The following NTN5 variants were observed in gnomAD, a reference collection of about 807,000 sequenced individuals.
The protein encoded by NTN5 is netrin-5.
A neutral mutation model predicts 38.7 loss-of-function variants in NTN5; 42 were observed. That is an observed-to-expected ratio of 1.08 (90% CI 0.85 to 1.40). NTN5 has a LOEUF of 1.40. Among genes scored for constraint, NTN5 ranks in the 40% most tolerant of loss-of-function variants. The pLI is 0.00. For synonymous variants in NTN5, 329 were observed against 303.9 expected, an observed-to-expected ratio of 1.08 and a Z score of -0.86; for missense variants, 658 against 716.5, an observed-to-expected ratio of 0.92 and a Z score of 0.93.
intron 2 of NTN5, among the ~76,000 whole-genome samples, chr19:48,669,234 TCAC>T (rs1268852244): frequency 1.1e-4 from 1 of 9,000 alleles, no homozygotes; most frequent in East Asian, 5.5e-3. Flanking sequence ...ACGACCATCA[TCAC>T]CACCACCACC....
Position 48,670,550 on chromosome 19 carries a change from G to T in NTN5, c.437C>A (p.Ala146Asp). 6.6e-7 allele frequency: 1 copy of T among 1,520,632 alleles called. No individual in the cohort carries two copies. Among genetic ancestry groups the T allele is most frequent in the South Asian group, 1.3e-5 (1 of 79,880 alleles). 94.2% of individuals were successfully genotyped at this position (1,520,632 alleles called of 1,614,324 possible). The change falls in exon 2 of 7, where the codon GCC becomes GAC. Residue 146 changes from alanine to aspartate, a missense_variant. Physicochemically the swap from Ala to Asp is moderately radical, Grantham distance 126. Transcript: ENST00000270235. ...TCTCAGCCCAGCTGCCGCTAGCCCG[G>T]CCTGGCCCCCAAACTCCACACGGAG... is the stretch of plus-strand genomic sequence containing the variant. The part of the protein sequence containing the change: ...SHLRVEFGGQ[A>D]GLAAAGLRGR...
At chr19:48,669,810 TCACCATCACCACCAC>T (rs2031880098) in intron 2 of NTN5, among the ~76,000 whole-genome samples, 1 of 45,412 alleles carries the variant, frequency 2.2e-5, no homozygotes, top group Non-Finnish European at 5.4e-5. Context: ...ACCACCATCA[TCACCATCACCACCAC>T]CACCATCACC....
chr19:48,667,218 G>A, intron 2 of NTN5: 1 of 166,606 alleles, frequency 6.0e-6, no homozygotes, highest in South Asian at 1.0e-4. Flanking sequence ...CTTCCCCTGT[G>A]GAGAACTCAG....
Position 48,670,393 on chromosome 19 carries a change from C to A in NTN5, c.594G>T (p.Trp198Cys). 7.0e-7 allele frequency: 1 copy of A among 1,419,294 alleles called. No individual in the cohort carries two copies. The highest frequency in any genetic ancestry group is 9.2e-7 in the Non-Finnish European group (1 of 1,087,808). The allele number at this position is 1,419,294 out of a possible 1,614,324, so 87.9% of individuals were successfully genotyped here. A position where few individuals can be genotyped will look rare whatever the true frequency, so the allele number is the denominator to read the frequency against. The change falls in exon 2 of 7, where the codon TGG becomes TGT. Residue 198 changes from tryptophan to cysteine, a missense_variant. Physicochemically the swap from Trp to Cys is radical, Grantham distance 215 (BLOSUM62 -2). Coordinates refer to ENST00000270235, the MANE Select transcript of NTN5 (RefSeq NM_145807.4). ...GGGGGTGCCGGGGCGTGGCAGGCCG[C>A]CAGGGCCAGTCTCGATGGGACGGGC... ...SCRPSHRDWP[W>C]RPATPRHPHP...
Position 48,670,920 on chromosome 19 carries a change from G to C in NTN5, c.67C>G (p.Gln23Glu). The change falls in exon 2 of 7, where the codon CAG (glutamine) becomes GAG (glutamate). Residue 23 changes from glutamine (Q) to glutamate (E), a missense_variant. By Grantham distance (29) the Gln-to-Glu change is conservative. Transcript: ENST00000270235. ...QATADPCYDP[Q>E]GRPQFCLPPV... is the part of the protein sequence containing the mutation. ...GGGAGGCAGAATTGGGGGCGGCCCT[G>C]TGGATCGTAGCATGGGTCCGCAGTG... The C allele has an allele frequency of 6.3e-7, 1 of 1,597,378 alleles. No homozygotes were observed. Among genetic ancestry groups the C allele is most frequent in the Non-Finnish European group, 8.5e-7 (1 of 1,171,172 alleles).
At chr19:48,668,934 A>T (rs1390415578) in intron 2 of NTN5, among the ~76,000 whole-genome samples, 1 of 150,564 alleles carries the variant, frequency 6.6e-6, no homozygotes, top group African/African-American at 2.4e-5. Flanking sequence ...TTATTACATC[A>T]TCATCACCAC....
In NTN5 at chr19:48,663,511, C is replaced by T. The variant is rs774974345; in HGVS notation, c.1057G>A (p.Asp353Asn). 2.2e-5 allele frequency: 36 copies of T among 1,614,190 alleles called. No individual in the cohort carries two copies. The Admixed American group carries it at 2.8e-4, about 13-fold the overall frequency. ...PQCQNYCNMS[D>N]TRVHMSLRRY... ...CGAAGGCTCATGTGTACCCTGGTGT[C>T]CGACATATTGCAGTAGTTTTGACAC... The change falls in exon 6 of 7, where the codon GAC (aspartate) becomes AAC (asparagine). Residue 353 changes from aspartate to asparagine, a missense_variant. Asp to Asn is a conservative substitution (Grantham distance 23, BLOSUM62 1). Coordinates refer to ENST00000270235, the MANE Select transcript of NTN5 (RefSeq NM_145807.4).
Position 48,669,954 on chromosome 19 carries a change from CCAT to C in NTN5, c.631+399_631+401del, listed in dbSNP as rs1568452765. On this transcript the variant is annotated intron_variant, in intron 2 of 6. Transcript: ENST00000270235. The stretch of plus-strand genomic sequence containing the variant: ...ACCACTACCATCACCATCACCACCA[CCAT>C]CACCATCACCACCATCATCACCATC... Among the ~76,000 whole-genome samples, 13 of 22,296 alleles carry C rather than the reference CCAT, an allele frequency of 5.8e-4. 1 individual carries two copies. The highest frequency in any genetic ancestry group is 1.9e-3 in the Admixed American group (7 of 3,616). The allele number at this position is 22,296 out of a possible 152,430, so 14.6% of individuals were successfully genotyped here.
At chr19:48,669,616 C>CACT (rs2031853753) in intron 2 of NTN5, among the ~76,000 whole-genome samples, 1 of 832 alleles carries the variant, frequency 1.2e-3, no homozygotes, top group Non-Finnish European at 2.1e-3. Flanking sequence ...CCATCATCAC[C>CACT]ACCATCACCA....
intron 2 of NTN5, chr19:48,667,483 C>G (rs1248120708): frequency 4.0e-6 from 1 of 248,610 alleles, no homozygotes; most frequent in Non-Finnish European, 8.6e-6. Flanking sequence ...ACCCCTCACT[C>G]CCCTGCTTAG....
chr19:48,666,647 G>A (rs1374942484), intron 2 of NTN5, among the ~76,000 whole-genome samples: 1 of 149,222 alleles, frequency 6.7e-6, no homozygotes, highest in African/African-American at 2.5e-5. Context: ...TGCAGAGTGA[G>A]ATGCTGATAC....
chr19:48,661,982 C>CGGCCAGCCGCTGCCATGCCG lies in NTN5; in HGVS notation c.1145_1164dup (p.Val389ArgfsTer35). The CGGCCAGCCGCTGCCATGCCG allele has an allele frequency of 6.7e-7, 1 of 1,482,406 alleles. No individual in the cohort carries two copies. The highest frequency in any genetic ancestry group is 8.9e-7 in the Non-Finnish European group (1 of 1,123,610). 91.8% of individuals were successfully genotyped at this position (1,482,406 alleles called of 1,614,324 possible). A position where few individuals can be genotyped will look rare whatever the true frequency, so the allele number is the denominator to read the frequency against. On this transcript the variant is annotated frameshift_variant, in exon 7 of 7. Transcript: ENST00000270235. LOFTEE classifies it low-confidence loss of function (END_TRUNC). ...TGCTTGTAAACGGCCAGCACGCGCA[C>CGGCCAGCCGCTGCCATGCCG]GGCCAGCCGCTGCCATGCCGGGCCC...
intron 2 of NTN5, among the ~76,000 whole-genome samples, chr19:48,665,581 G>A (rs1307850588): frequency 6.6e-6 from 1 of 152,174 alleles, no homozygotes; most frequent in Non-Finnish European, 1.5e-5. Flanking sequence ...AGCACTTTGG[G>A]AGGCCAAGGT....
intron 4 of NTN5, 50 bp from the exon 5 acceptor site, chr19:48,663,864 C>A (rs765464791): frequency 1.1e-5 from 17 of 1,567,714 alleles, no homozygotes; most frequent in African/African-American, 1.4e-5. Flanking sequence ...CCCCAGGATC[C>A]CCTCGCCCCT....
At chr19:48,672,607 G>C (rs915476780) in intron 1 of NTN5, among the ~76,000 whole-genome samples, 8 of 151,896 alleles carry the variant, frequency 5.3e-5, no homozygotes, top group African/African-American at 1.9e-4. Context: ...CTGGCCCTCA[G>C]CAGCATCCTG....
chr19:48,663,892 A>C, intron 4 of NTN5, 78 bp from the exon 5 acceptor site: 1 of 1,410,558 alleles, frequency 7.1e-7, no homozygotes, highest in East Asian at 2.3e-5. Context: ...GAATCCAGGC[A>C]CCCAAACTCT....
At position 48,664,650 on chromosome 19, in the gene NTN5, T is replaced by C; in HGVS notation, c.749A>G (p.His250Arg). ...ERCRHHTAGR[H>R]CHYCQPGFWR... ...GAACCCAGGTTGGCAGTAGTGGCAGTGCCGCCCAGCTGTGTGGTGGCGGCA... is the reference window on the plus strand; with the variant it reads ...GAACCCAGGTTGGCAGTAGTGGCAGCGCCGCCCAGCTGTGTGGTGGCGGCA... Residue 250 changes from histidine (H) to arginine (R), a missense_variant, in exon 3 of 7, where the codon CAC becomes CGC. Coordinates refer to ENST00000270235, the MANE Select transcript of NTN5 (RefSeq NM_145807.4). 1 of 1,613,058 alleles carries C rather than the reference T, an allele frequency of 6.2e-7. No individual in the cohort carries two copies. Among genetic ancestry groups the C allele is most frequent in the Non-Finnish European group, 8.5e-7 (1 of 1,179,838 alleles).
intron 6 of NTN5, 73 bp from the exon 7 acceptor site, chr19:48,662,114 C>T: frequency 7.6e-7 from 1 of 1,324,356 alleles, no homozygotes; most frequent in Non-Finnish European, 9.7e-7. Context: ...TGGGGTCAGT[C>T]ACAGTGGGCA....
chr19:48,672,226 G>A (rs1406944715), intron 1 of NTN5, among the ~76,000 whole-genome samples: 5 of 152,176 alleles, frequency 3.3e-5, no homozygotes, highest in South Asian at 2.1e-4. Context: ...CAGGGCGCCC[G>A]TGGGGGCAGA....
Sources: allele counts gnomAD v4.1 joint callset (sites outside exome capture counted in the v4.1 genomes callset), GRCh38; gene constraint gnomAD v4.1.1; transcripts MANE v1.5; gene names NCBI Gene and HGNC (gene_info 2026-07-23, HGNC 2026-07-21).